CCDC18: variants seen among roughly 807,000 people sequenced by gnomAD.
CCDC18 encodes coiled-coil domain containing 18, also known as coiled-coil domain-containing protein 18.
A neutral mutation model predicts 196.0 loss-of-function variants in CCDC18; 157 were observed. The observed-to-expected ratio is 0.80, with a 90% CI of 0.70 to 0.91. CCDC18 has a LOEUF of 0.91. Among genes scored for constraint, CCDC18 ranks in the 40% least tolerant of loss-of-function variants. CCDC18 has a pLI of 0.00. For missense variants in CCDC18, 1,465 were observed against 1,611.6 expected, an observed-to-expected ratio of 0.91 and a Z score of 1.56; for synonymous variants, 482 against 529.2, an observed-to-expected ratio of 0.91 and a Z score of 1.22.
chr1:93,201,684 G>GTTATA (rs10622842), intron 6 of CCDC18, among the ~76,000 whole-genome samples: 121,436 of 151,410 alleles, frequency 0.8, 49,127 homozygotes, highest in East Asian at 0.97. Flanking sequence ...ATTGTTTTGT[G>GTTATA]TTTTATTTTT....
intron 18 of CCDC18, among the ~76,000 whole-genome samples, chr1:93,234,522 C>T (rs114554863): frequency 0.016 from 2,411 of 152,262 alleles, 29 homozygotes; most frequent in Middle Eastern, 0.062. Flanking sequence ...TTTGTGTTCT[C>T]ATTAGCTTCA....
chr1:93,270,791 C>G lies in CCDC18; in HGVS notation c.4330C>G (p.Gln1444Glu). ...AAGACTATTAAAAAAGTCTTCTATG[C>G]AAACAGGTGCTGGTTTAAATCAGGT... The part of the protein sequence containing the change: ...EVRLLKKSSM[Q>E]TGAGLNQGEN... Residue 1444 changes from glutamine (Q) to glutamate (E), a missense_variant, in exon 28 of 29, where the codon CAA (glutamine) becomes GAA (glutamate). Coordinates refer to ENST00000690025, the MANE Select transcript of CCDC18 (RefSeq NM_001378204.1). 1 of 1,539,036 alleles carries G rather than the reference C, an allele frequency of 6.5e-7. No homozygotes were observed. Among genetic ancestry groups the G allele is most frequent in the Non-Finnish European group, 8.8e-7 (1 of 1,142,302 alleles).
chr1:93,234,655 C>T (rs531514), intron 18 of CCDC18, among the ~76,000 whole-genome samples: 71,642 of 151,768 alleles, frequency 0.47, 20,063 homozygotes, highest in African/African-American at 0.79. Context: ...TTTGCATCTT[C>T]AGATTTCTCT....
intron 4 of CCDC18, 58 bp downstream of exon 4, chr1:93,186,561 A>G (rs1650710535): frequency 7.1e-7 from 1 of 1,412,980 alleles, no homozygotes; most frequent in African/African-American, 1.4e-5. Flanking sequence ...AAGATTTATA[A>G]TTGGAAAAAT....
intron 12 of CCDC18, among the ~76,000 whole-genome samples, chr1:93,216,004 T>C (rs915341044): frequency 2.0e-5 from 3 of 152,254 alleles, no homozygotes; most frequent in Admixed American, 1.3e-4. Context: ...TGCAGTCATC[T>C]ATAGGTACAC....
chr1:93,181,533 C>G (rs1649682811), intron 1 of CCDC18, among the ~76,000 whole-genome samples: 1 of 152,114 alleles, frequency 6.6e-6, no homozygotes, highest in Non-Finnish European at 1.5e-5. Context: ...TAAGGACATT[C>G]ATTTGACAGT....
intron 16 of CCDC18, among the ~76,000 whole-genome samples, chr1:93,224,863 AC>A (rs1262719313): frequency 1.3e-5 from 2 of 152,238 alleles, no homozygotes; most frequent in Non-Finnish European, 2.9e-5. Context: ...GAAGGATGAT[AC>A]AAGTCCCAAT....
intron 17 of CCDC18, among the ~76,000 whole-genome samples, chr1:93,228,897 A>G (rs958495572): frequency 6.6e-5 from 10 of 152,088 alleles, no homozygotes; most frequent in African/African-American, 2.4e-4. Flanking sequence ...GATAACAGAT[A>G]TTTACACACA....
chr1:93,192,439 T>C (rs1310951703), intron 5 of CCDC18, among the ~76,000 whole-genome samples: 2 of 152,178 alleles, frequency 1.3e-5, no homozygotes, highest in African/African-American at 2.4e-5. Flanking sequence ...TCAGACACTT[T>C]TATTATTTTT....
Position 93,180,867 on chromosome 1 carries a change from A to C in CCDC18, c.-3+15A>C. On this transcript the variant is annotated intron_variant, in intron 1 of 28. Coordinates refer to ENST00000690025, the MANE Select transcript of CCDC18 (RefSeq NM_001378204.1). ...GCAGTCGCCGGGTGGGTCTCTCCCC[A>C]GCGACGATTTGGGTGGTGAGCGACT... is the stretch of plus-strand genomic sequence containing the variant. 1.5e-6 allele frequency: 2 copies of C among 1,365,682 alleles called. No individual in the cohort carries two copies. The highest frequency in any genetic ancestry group is 1.1e-5 in the South Asian group (1 of 88,046). 84.6% of individuals were successfully genotyped at this position (1,365,682 alleles called of 1,614,324 possible). A position where few individuals can be genotyped will look rare whatever the true frequency, so the allele number is the denominator to read the frequency against.
chr1:93,188,694 C>T (rs1651154109), intron 4 of CCDC18, among the ~76,000 whole-genome samples: 1 of 152,058 alleles, frequency 6.6e-6, no homozygotes, highest in Non-Finnish European at 1.5e-5. Flanking sequence ...TTCTTAGGAC[C>T]TTCCCATTCT....
At chr1:93,271,353 CCTT>C in intron 28 of CCDC18, 1 of 984,838 alleles carries the variant, frequency 1.0e-6, no homozygotes, top group Middle Eastern at 5.2e-4. Context: ...ATTCATCTTT[CCTT>C]CTTTTGTCCC....
At chr1:93,180,315 C>G, upstream of CCDC18, 2 of 1,481,278 alleles carry the variant, frequency 1.4e-6, no homozygotes, top group Non-Finnish European at 1.8e-6. Flanking sequence ...CCTCTCTGGA[C>G]TCCTCGTGGT....
chr1:93,212,035 T>A lies in CCDC18; in HGVS notation c.1335-66T>A. 2.2e-6 allele frequency: 3 copies of A among 1,334,976 alleles called. No homozygotes were observed. In the Admixed American group the frequency reaches 7.0e-5, roughly 31 times the overall value. 82.7% of individuals were successfully genotyped at this position (1,334,976 alleles called of 1,614,324 possible). ...TTAAATCAACTTGAAAGGTGAAAAA[T>A]AGTACAGTATGAGTTTTTTTATAGA... On this transcript the variant is annotated intron_variant, in intron 10 of 28. Transcript: ENST00000690025.
intron 28 of CCDC18, chr1:93,271,416 T>G (rs1665248305): frequency 2.0e-6 from 2 of 985,380 alleles, no homozygotes; most frequent in Admixed American, 1.2e-4. Flanking sequence ...AGAGAGAAAT[T>G]CTTGAACATG....
chr1:93,212,096 GC>G lies in CCDC18; in HGVS notation c.1335-3del. On this transcript the variant is annotated splice_polypyrimidine_tract_variant and splice_region_variant and intron_variant, in intron 10 of 28. Coordinates refer to ENST00000690025, the MANE Select transcript of CCDC18 (RefSeq NM_001378204.1). ...TAATTTTTCCCTTCTTTTCTTTTGT[GC>G]CAGAATTAAGCTTGCAATAAAAGAG... 6.3e-7 allele frequency: 1 copy of G among 1,588,062 alleles called. No homozygotes were observed. The highest frequency in any genetic ancestry group is 8.5e-7 in the Non-Finnish European group (1 of 1,171,882).
chr1:93,240,621 G>C (rs1660639011), intron 21 of CCDC18, among the ~76,000 whole-genome samples: 1 of 152,168 alleles, frequency 6.6e-6, no homozygotes, highest in South Asian at 2.1e-4. Flanking sequence ...ATTCAGTGTA[G>C]GGCCTCCTTC....
chr1:93,246,325 A>G (rs1394097097), intron 22 of CCDC18, 121 bp downstream of exon 22: 2 of 572,988 alleles, frequency 3.5e-6, no homozygotes, highest in Non-Finnish European at 6.2e-6. Context: ...TTCTCTGCAC[A>G]TAGGGTTTAC....
At chr1:93,180,532 T>C (rs1242839409), upstream of CCDC18, 17 of 1,513,942 alleles carry the variant, frequency 1.1e-5, no homozygotes, top group Non-Finnish European at 1.5e-5. Flanking sequence ...CCGGTTCCCA[T>C]GGCTTCCCCC....
Sources: gnomAD v4.1 joint callset for allele counts (sites outside exome capture counted in the v4.1 genomes callset) on GRCh38, gnomAD v4.1.1 for gene constraint, MANE v1.5 for transcripts, NCBI Gene and HGNC (gene_info 2026-07-23, HGNC 2026-07-21) for gene names.